DOCK2: variants seen among roughly 807,000 people sequenced by gnomAD.
The protein encoded by DOCK2 is dedicator of cytokinesis protein 2.
In DOCK2, 87 loss-of-function variants were observed where a neutral mutation model predicts 248.9. The observed-to-expected ratio is 0.35, with a 90% CI of 0.29 to 0.42. The LOEUF is 0.42. DOCK2 is among the 10% of genes least tolerant of loss of function. DOCK2 has a pLI of 1.00. For missense variants in DOCK2, 1,747 were observed against 2,300.2 expected (o/e 0.76, Z 4.92); for synonymous variants, 805 against 821.6 (o/e 0.98, Z 0.35).
intron 27 of DOCK2, among the ~76,000 whole-genome samples, chr5:169,910,212 G>T (rs765472952): frequency 2.0e-5 from 3 of 152,124 alleles, no homozygotes; most frequent in Non-Finnish European, 2.9e-5. Flanking sequence ...GCAAAGAAGA[G>T]GACAGTCATC....
chr5:170,068,655 C>T (rs143323092), intron 45 of DOCK2, among the ~76,000 whole-genome samples: 3 of 152,302 alleles, frequency 2.0e-5, no homozygotes, highest in South Asian at 2.1e-4. Flanking sequence ...CTGCCAGGGT[C>T]ACTTGCAATG....
chr5:169,800,685 C>T (rs1224773372), intron 25 of DOCK2, among the ~76,000 whole-genome samples: 2 of 152,070 alleles, frequency 1.3e-5, no homozygotes, highest in Non-Finnish European at 2.9e-5. Context: ...TAAATTGGGA[C>T]TCTTTGGTTT....
At chr5:169,994,583 G>C (rs1228803145) in intron 29 of DOCK2, among the ~76,000 whole-genome samples, 2 of 152,176 alleles carry the variant, frequency 1.3e-5, no homozygotes, top group Non-Finnish European at 2.9e-5. Context: ...ACTAAATGAA[G>C]AAGGCTCTCG....
rs1190249718 is a variant in DOCK2, at chr5:169,681,816, C to T, written c.543C>T (p.Ile181=). The change falls in exon 7 of 52, where the codon ATC becomes ATT. Residue 181 remains isoleucine (I), a synonymous_variant. Coordinates refer to ENST00000520908, the MANE Select transcript of DOCK2 (RefSeq NM_004946.3). ...TGGACCCTGATAATACCAGTGTCAT[C>T]AGCTTGTTCCATGCACATGAGGAAG... ...NILDPDNTSV[I]SLFHAHEEAT... is the part of the protein sequence containing the mutation. 1.2e-6 allele frequency: 2 copies of T among 1,613,872 alleles called. No homozygotes were observed. The highest frequency in any genetic ancestry group is 2.7e-5 in the African/African-American group (2 of 74,938).
chr5:170,034,351 G>A (rs1417142698), intron 34 of DOCK2, 48 bp from the exon 35 acceptor site: 1 of 1,608,234 alleles, frequency 6.2e-7, no homozygotes, highest in Non-Finnish European at 8.5e-7. Context: ...CCCCAGCACA[G>A]TCTTTCTCCC....
intron 1 of DOCK2, among the ~76,000 whole-genome samples, chr5:169,646,234 G>A (rs780208289): frequency 1.1e-4 from 16 of 152,198 alleles, no homozygotes; most frequent in African/African-American, 3.6e-4. Context: ...CAGGTTTGTC[G>A]AAGATCAGGT....
At chr5:169,699,499 T>C in intron 12 of DOCK2, 41 bp downstream of exon 12, 2 of 1,582,436 alleles carry the variant, frequency 1.3e-6, no homozygotes, top group South Asian at 2.3e-5. Context: ...CTGCTCCAGC[T>C]TGGGAGCCCC....
intron 26 of DOCK2, among the ~76,000 whole-genome samples, chr5:169,827,720 G>A (rs1768956132): frequency 6.6e-6 from 1 of 152,218 alleles, no homozygotes; most frequent in African/African-American, 2.4e-5. Context: ...ATTTACTGTA[G>A]TTGTATAGGT....
intron 9 of DOCK2, among the ~76,000 whole-genome samples, chr5:169,694,479 A>C (rs1760492503): frequency 1.3e-5 from 2 of 152,208 alleles, no homozygotes; most frequent in Non-Finnish European, 2.9e-5. Flanking sequence ...CTTTGGTGTC[A>C]GGGACTGGGC....
intron 27 of DOCK2, among the ~76,000 whole-genome samples, chr5:169,873,736 A>G (rs1470797776): frequency 1.3e-5 from 2 of 152,218 alleles, no homozygotes; most frequent in Admixed American, 1.3e-4. Flanking sequence ...CTGGTTAGGT[A>G]ATAGCTTTGA....
In DOCK2 at chr5:170,063,783, G is replaced by A. The variant is rs187703853; in HGVS notation, c.4468-3727G>A. 2.0e-5 allele frequency among the ~76,000 whole-genome samples: 3 copies of A among 152,296 alleles called. No homozygotes were observed. In the East Asian group the frequency reaches 5.8e-4, roughly 29 times the overall value. On this transcript the variant is annotated intron_variant, in intron 44 of 51. Transcript: ENST00000520908. ...TGGCCCTAGACCACAGCAAAAAGAG[G>A]TGGATATACAATGGGTCCAATTTCA...
At chr5:169,983,619 G>T (rs1438913605) in intron 28 of DOCK2, among the ~76,000 whole-genome samples, 1 of 152,146 alleles carries the variant, frequency 6.6e-6, no homozygotes, top group Admixed American at 6.5e-5. Flanking sequence ...CCATCTGCCC[G>T]TGGCCTGTGG....
chr5:169,815,788 A>G (rs991021030), intron 26 of DOCK2, among the ~76,000 whole-genome samples: 3 of 151,944 alleles, frequency 2.0e-5, no homozygotes, highest in African/African-American at 7.3e-5. Context: ...CAGTCCTCTT[A>G]TCAACACTGG....
chr5:169,897,867 AAAG>A (rs2113565811), intron 27 of DOCK2, among the ~76,000 whole-genome samples: 1 of 152,344 alleles, frequency 6.6e-6, no homozygotes, highest in South Asian at 2.1e-4. Context: ...TGGACTCTCA[AAAG>A]AAGAGCTGAG....
At chr5:169,777,348 T>C (rs1320259720) in intron 25 of DOCK2, among the ~76,000 whole-genome samples, 1 of 152,200 alleles carries the variant, frequency 6.6e-6, no homozygotes, top group Non-Finnish European at 1.5e-5. Flanking sequence ...GGACGTTCCC[T>C]GCAATACCAA....
intron 33 of DOCK2, among the ~76,000 whole-genome samples, chr5:170,022,437 T>C (rs1354430599): frequency 6.6e-6 from 1 of 152,076 alleles, no homozygotes; most frequent in Non-Finnish European, 1.5e-5. Context: ...CTCACCCAAA[T>C]TTCATAGACA....
chr5:169,823,218 T>C (rs1768594025), intron 26 of DOCK2, among the ~76,000 whole-genome samples: 1 of 152,206 alleles, frequency 6.6e-6, no homozygotes, highest in Non-Finnish European at 1.5e-5. Context: ...CCATTCCTTC[T>C]GAAACTATTC....
intron 27 of DOCK2, among the ~76,000 whole-genome samples, chr5:169,858,037 T>C (rs925401289): frequency 6.6e-6 from 1 of 152,220 alleles, no homozygotes; most frequent in Admixed American, 6.5e-5. Flanking sequence ...CTCACTATGG[T>C]ACCATCCTAA....
intron 27 of DOCK2, among the ~76,000 whole-genome samples, chr5:169,951,528 G>T (rs762552778): frequency 6.6e-5 from 10 of 152,212 alleles, no homozygotes; most frequent in Non-Finnish European, 1.5e-4. Context: ...GAGGTTCAGA[G>T]TTGGAAGACA....
Sources: gnomAD v4.1 joint callset for allele counts (sites outside exome capture counted in the v4.1 genomes callset) on GRCh38, gnomAD v4.1.1 for gene constraint, MANE v1.5 for transcripts, NCBI Gene and HGNC (gene_info 2026-07-23, HGNC 2026-07-21) for gene names.